The following SGSM1 variants were observed in gnomAD, a reference collection of about 807,000 sequenced individuals.
SGSM1 encodes the protein small G protein signaling modulator 1, also known as RUN and TBC1 domain containing 2.
SGSM1 carries 73 observed loss-of-function variants against 133.8 expected under a neutral mutation model. The observed-to-expected ratio is 0.55, with a 90% confidence interval of 0.45 to 0.66. The LOEUF is 0.66. Among genes scored for constraint, SGSM1 ranks in the 30% least tolerant of loss-of-function variants. The probability of loss-of-function intolerance (pLI) is 0.00; values close to 1 mark genes in which losing one functional copy is unlikely to be tolerated. For synonymous variants in SGSM1, 563 were observed against 573.0 expected, an observed-to-expected ratio of 0.98 and a Z score of 0.25; for missense variants, 1,213 against 1,448.1, an observed-to-expected ratio of 0.84 and a Z score of 2.64.
At chr22:24,893,651 G>A (rs771116892) in intron 17 of SGSM1, 38 bp downstream of exon 17, 3 of 1,513,554 alleles carry the variant, frequency 2.0e-6, no homozygotes, top group South Asian at 2.6e-5. Flanking sequence ...CGGGGGCTGG[G>A]GAAGGTCAGG....
chr22:24,867,444 A>G (rs557167963), intron 10 of SGSM1, among the ~76,000 whole-genome samples: 2 of 152,326 alleles, frequency 1.3e-5, no homozygotes, highest in South Asian at 2.1e-4. Flanking sequence ...AGCTGCTGAC[A>G]CTTACTAAGC....
intron 18 of SGSM1, 145 bp downstream of exon 18, chr22:24,895,436 T>G (rs1403498682): frequency 4.6e-6 from 4 of 871,802 alleles, no homozygotes; most frequent in Admixed American, 2.5e-5. Context: ...TTGTTTTTTG[T>G]TTTTTGTTTA....
chr22:24,907,707 G>A (rs11913849), intron 21 of SGSM1, among the ~76,000 whole-genome samples: 17,180 of 151,522 alleles, frequency 0.11, 1,233 homozygotes, highest in African/African-American at 0.19. Flanking sequence ...GGCAGATCAC[G>A]AGGTCAGGAG....
At chr22:24,815,422 A>G (rs976553090) in intron 2 of SGSM1, among the ~76,000 whole-genome samples, 15 of 152,314 alleles carry the variant, frequency 9.8e-5, no homozygotes, top group African/African-American at 2.9e-4. Flanking sequence ...TATAGCAGGA[A>G]GAAAATTTAA....
chr22:24,855,559 G>T lies in SGSM1; in HGVS notation c.680G>T (p.Arg227Met), dbSNP rs1460669695. The change falls in exon 8 of 25, where the codon AGG becomes ATG. Residue 227 changes from arginine to methionine, a missense_variant. Physicochemically the swap from Arg to Met is moderately conservative, Grantham distance 91 (BLOSUM62 -1). Coordinates refer to ENST00000400358, the MANE Select transcript of SGSM1 (RefSeq NM_001098497.3). ...GTCACTCTCTACCAGATCCAGAAGA[G>T]GCATTCCAGTGGCAGCATGGATGAC... ...TKRPALCIQK[R>M]HSSGSMDDRP... The T allele has an allele frequency of 6.2e-7, 1 of 1,613,884 alleles. No homozygotes were observed.
In SGSM1 at chr22:24,905,184, G is replaced by C; in HGVS notation, c.2815G>C (p.Asp939His). The C allele has an allele frequency of 1.2e-6, 2 of 1,613,920 alleles. No homozygotes were observed. Among genetic ancestry groups the C allele is most frequent in the Non-Finnish European group, 1.7e-6 (2 of 1,179,802 alleles). The part of the protein sequence containing the change: ...LLAPLLVILD[D>H]EALAFSCFTE... ...GGCTCCACTGCTGGTCATTCTGGAT[G>C]ATGGTGAGTGTGTCTTTACTGCCCT... The change falls in exon 21 of 25, where the codon GAT becomes CAT. Residue 939 changes from aspartate to histidine, a missense_variant. Transcript: ENST00000400358.
At chr22:24,886,565 T>C (rs1932613493) in intron 15 of SGSM1, 35 bp from the exon 16 acceptor site, 4 of 1,544,876 alleles carry the variant, frequency 2.6e-6, no homozygotes, top group Non-Finnish European at 8.8e-7. Context: ...GGTTTTCTGT[T>C]GACCAAACTC....
Position 24,868,427 on chromosome 22 carries a change from C to A in SGSM1, c.1046C>A (p.Pro349Gln), listed in dbSNP as rs572881469. Residue 349 changes from proline (P) to glutamine (Q), a missense_variant, in exon 11 of 25, where the codon CCG becomes CAG. Transcript: ENST00000400358. ...GTCAGCCAGGACGGGATCCAGAGGC[C>A]GCCCTTCCGCTTCCCCAAGGGCGGG... The part of the protein sequence containing the change: ...VLVSQDGIQR[P>Q]PFRFPKGGHL... The A allele has an allele frequency of 1.2e-6, 2 of 1,613,846 alleles. No homozygotes were observed. Among genetic ancestry groups the A allele is most frequent in the African/African-American group, 2.7e-5 (2 of 75,014 alleles).
At chr22:24,886,051 G>A (rs1932578040) in intron 15 of SGSM1, among the ~76,000 whole-genome samples, 1 of 152,122 alleles carries the variant, frequency 6.6e-6, no homozygotes, top group African/African-American at 2.4e-5. Context: ...AGAAGGACAG[G>A]TGCACAGAAG....
intron 2 of SGSM1, among the ~76,000 whole-genome samples, chr22:24,828,507 A>T (rs184710962): frequency 6.6e-6 from 1 of 152,360 alleles, no homozygotes; most frequent in East Asian, 1.9e-4. Flanking sequence ...AGCACATGAA[A>T]AAAAGCTCAA....
At position 24,806,282 on chromosome 22, in the gene SGSM1, C is replaced by A; in HGVS notation, c.-44C>A. 2 of 1,410,950 alleles carry A rather than the reference C, an allele frequency of 1.4e-6. No homozygotes were observed. The highest frequency in any genetic ancestry group is 3.2e-5 in the Admixed American group (1 of 31,548). 87.4% of individuals were successfully genotyped at this position (1,410,950 alleles called of 1,614,324 possible). ...CGGCCGGAGGAGCTACCGCCGCCAC[C>A]GCCGCCACCGCCTCCTGGGACTCGG... On this transcript the variant is annotated 5_prime_UTR_variant, in exon 1 of 25. Coordinates refer to ENST00000400358, the MANE Select transcript of SGSM1 (RefSeq NM_001098497.3).
chr22:24,850,296 G>T lies in SGSM1; in HGVS notation c.319G>T (p.Gly107Cys), dbSNP rs753571655. 6.9e-5 allele frequency: 110 copies of T among 1,602,238 alleles called. No individual in the cohort carries two copies. The South Asian group carries it at 9.4e-4, about 14-fold the overall frequency. ...GTCTTGAAGGAGAAACCAGATTCAA[G>T]GCCTCCAGGAGAATGTGCGGAAGCT... is the stretch of plus-strand genomic sequence containing the variant. ...LIESARNQIQ[G>C]LQENVRKLPK... Residue 107 changes from glycine to cysteine, a missense_variant, in exon 5 of 25, where the codon GGC (glycine) becomes TGC (cysteine). Transcript: ENST00000400358.
intron 9 of SGSM1, among the ~76,000 whole-genome samples, chr22:24,865,566 G>A (rs547783970): frequency 3.9e-5 from 6 of 152,312 alleles, no homozygotes; most frequent in Admixed American, 3.9e-4. Context: ...GCCAGAAACT[G>A]AGGTAGGAAC....
At chr22:24,871,031 C>G (rs954232205) in intron 12 of SGSM1, among the ~76,000 whole-genome samples, 1 of 152,178 alleles carries the variant, frequency 6.6e-6, no homozygotes, top group African/African-American at 2.4e-5. Flanking sequence ...TTCAGTTTAT[C>G]TAGAATTGGA....
At chr22:24,888,938 C>CTTTTTTTTTTTTTTT (rs1234715475) in intron 16 of SGSM1, among the ~76,000 whole-genome samples, 2 of 79,946 alleles carry the variant, frequency 2.5e-5, no homozygotes, top group African/African-American at 5.9e-5. Flanking sequence ...TCATAGTCAC[C>CTTTTTTTTTTTTTTT]TTTTTTTTTT....
intron 2 of SGSM1, among the ~76,000 whole-genome samples, chr22:24,834,335 A>G (rs534659884): frequency 1.3e-5 from 2 of 152,212 alleles, no homozygotes; most frequent in Non-Finnish European, 2.9e-5. Context: ...GGAGCCAAAC[A>G]TTCTTGTGCA....
chr22:24,886,638 C>T lies in SGSM1; in HGVS notation c.1680C>T (p.Tyr560=), dbSNP rs116006218. The T allele has an allele frequency of 3.2e-3, 4,975 of 1,555,590 alleles. 113 individuals carry two copies. In the African/African-American group the frequency reaches 0.059, roughly 18 times the overall value. The change falls in exon 16 of 25, where the codon TAC becomes TAT. Residue 560 remains tyrosine (Y), a synonymous_variant. Coordinates refer to ENST00000400358, the MANE Select transcript of SGSM1 (RefSeq NM_001098497.3). ...AGGAGCTGCTGCGCCTCATCTACTA[C>T]GGGGGCATCCAGCCTGAGATCCGCA... The part of the protein sequence containing the change: ...EEQELLRLIY[Y]GGIQPEIRKA...
At chr22:24,815,881 G>A (rs918219828) in intron 2 of SGSM1, among the ~76,000 whole-genome samples, 1 of 152,132 alleles carries the variant, frequency 6.6e-6, no homozygotes, top group Non-Finnish European at 1.5e-5. Context: ...CAGTTCCTTG[G>A]GGGAGGCCTG....
Position 24,876,732 on chromosome 22 carries a change from C to T in SGSM1, c.1430+17C>T. 2 of 1,613,844 alleles carry T rather than the reference C, an allele frequency of 1.2e-6. No homozygotes were observed. Among genetic ancestry groups the T allele is most frequent in the Admixed American group, 1.7e-5 (1 of 60,008 alleles). On this transcript the variant is annotated intron_variant, in intron 13 of 24. Transcript: ENST00000400358. ...CCATGAGAGGTATGAGGGGCTTGAG[C>T]TGCAGATGGAGAGAGCTGAAGGATG...
Sources: allele counts gnomAD v4.1 joint callset (sites outside exome capture counted in the v4.1 genomes callset), GRCh38; gene constraint gnomAD v4.1.1; transcripts MANE v1.5; gene names NCBI Gene and HGNC (gene_info 2026-07-23, HGNC 2026-07-21).